DPP6: variants seen among roughly 807,000 people sequenced by gnomAD.
DPP6 encodes the protein A-type potassium channel modulatory protein DPP6.
In DPP6, 69 loss-of-function variants were observed where a neutral mutation model predicts 122.6. The ratio of observed to expected loss-of-function variants is 0.56; its 90% CI spans 0.46 to 0.69. The LOEUF (loss-of-function observed/expected upper bound fraction) is 0.69, where lower values mean the gene tolerates loss of function less well. Among genes scored for constraint, DPP6 ranks in the 30% least tolerant of loss-of-function variants. The pLI, the probability that DPP6 is intolerant of heterozygous loss-of-function variation, is 0.00. For synonymous variants in DPP6, 418 were observed against 433.1 expected (o/e 0.97, Z 0.43); for missense variants, 928 against 1,116.9 (o/e 0.83, Z 2.41).
At chr7:154,004,316 TA>T (rs1192363057) in intron 1 of DPP6, among the ~76,000 whole-genome samples, 2 of 152,218 alleles carry the variant, frequency 1.3e-5, no homozygotes, top group South Asian at 2.1e-4. Context: ...CATGGAGCCA[TA>T]GGGGTGAGGA....
rs1340926822 is a variant in DPP6 at position 154,540,612 on chromosome 7, G to A, written c.538G>A (p.Glu180Lys). 3 of 1,581,986 alleles carry A rather than the reference G, an allele frequency of 1.9e-6. No individual in the cohort carries two copies. The highest frequency in any genetic ancestry group is 1.9e-5 in the Admixed American group (1 of 53,236). ...AACAAATACTTCTACTGTCTTAATA[G>A]AAGGCAAAAAAATTGTAAGTACTCT... ...VETNTSTVLI[E>K]GKKIESLRAI... The change falls in exon 4 of 26, where the codon GAA (glutamate) becomes AAA (lysine). Residue 180 changes from glutamate (E) to lysine (K), a missense_variant. Coordinates refer to ENST00000377770, the MANE Select transcript of DPP6 (RefSeq NM_130797.4).
At chr7:154,569,608 T>C (rs541098981) in intron 5 of DPP6, among the ~76,000 whole-genome samples, 1 of 152,026 alleles carries the variant, frequency 6.6e-6, no homozygotes, top group South Asian at 2.1e-4. Flanking sequence ...AACTTTTCAT[T>C]AAAAAGACTA....
At chr7:153,755,589 C>T in the DPP6 span, among the ~76,000 whole-genome samples, 2 of 152,054 alleles carry the variant, frequency 1.3e-5, no homozygotes, top group Non-Finnish European at 1.5e-5. Flanking sequence ...TCTATTCTTT[C>T]CTGCCCCTTT....
intron 1 of DPP6, among the ~76,000 whole-genome samples, chr7:154,272,086 A>G (rs1803833717): frequency 6.6e-6 from 1 of 152,178 alleles, no homozygotes; most frequent in African/African-American, 2.4e-5. Flanking sequence ...TGGATAGACA[A>G]TTAGCTTCTT....
chr7:154,365,194 A>T (rs1432840439), intron 1 of DPP6, among the ~76,000 whole-genome samples: 1 of 152,226 alleles, frequency 6.6e-6, no homozygotes, highest in African/African-American at 2.4e-5. Flanking sequence ...GTTGAGCCAC[A>T]TGGAATTAAA....
At chr7:154,665,416 G>A (rs565699869) in intron 6 of DPP6, among the ~76,000 whole-genome samples, 2 of 152,204 alleles carry the variant, frequency 1.3e-5, no homozygotes, top group South Asian at 4.2e-4. Flanking sequence ...TGTTGTTGTT[G>A]ATCAAACTGT....
chr7:154,391,735 G>A (rs773695972), intron 1 of DPP6, among the ~76,000 whole-genome samples: 5 of 152,212 alleles, frequency 3.3e-5, no homozygotes, highest in Non-Finnish European at 5.9e-5. Flanking sequence ...TCCCAATGGT[G>A]AGGATAAAGT....
At chr7:154,465,113 T>C (rs541507790) in intron 2 of DPP6, among the ~76,000 whole-genome samples, 1 of 152,266 alleles carries the variant, frequency 6.6e-6, no homozygotes, top group Admixed American at 6.5e-5. Context: ...CATGGTCAAC[T>C]GATGGTAACT....
At chr7:154,654,505 G>A (rs1008869366) in intron 6 of DPP6, among the ~76,000 whole-genome samples, 1 of 151,030 alleles carries the variant, frequency 6.6e-6, no homozygotes, top group Non-Finnish European at 1.5e-5. Context: ...TGCAACCTCT[G>A]CCTCCCAGGT....
intron 3 of DPP6, among the ~76,000 whole-genome samples, chr7:154,498,686 A>G (rs1285548658): frequency 6.6e-6 from 1 of 152,068 alleles, no homozygotes; most frequent in Non-Finnish European, 1.5e-5. Flanking sequence ...AATATCAAGG[A>G]CCCAGGCTTC....
At chr7:153,907,829 TTCTATA>T (rs1306040521) in intron 1 of DPP6, among the ~76,000 whole-genome samples, 1 of 152,206 alleles carries the variant, frequency 6.6e-6, no homozygotes, top group African/African-American at 2.4e-5. Flanking sequence ...GTATAAATCT[TTCTATA>T]TACGTATGTG....
chr7:154,882,838 C>A (rs541658393), intron 21 of DPP6, among the ~76,000 whole-genome samples: 4 of 152,194 alleles, frequency 2.6e-5, no homozygotes, highest in African/African-American at 7.2e-5. Context: ...AATCTTCTTT[C>A]ATTGTCATTA....
chr7:153,885,117 G>GGT (rs11432922), upstream of DPP6, among the ~76,000 whole-genome samples: 92,875 of 149,516 alleles, frequency 0.62, 29,306 homozygotes, highest in African/African-American at 0.71. Flanking sequence ...TGCTTGGTGG[G>GGT]AAAGAGAGGG....
rs554859215 is a variant in DPP6 at position 154,795,898 on chromosome 7, T to C, written c.1299+15T>C. 5 of 1,607,384 alleles carry C rather than the reference T, an allele frequency of 3.1e-6. No homozygotes were observed. The African/African-American group carries it at 5.4e-5, about 17-fold the overall frequency. The stretch of plus-strand genomic sequence containing the variant: ...TCCACAGACAGGTAACTACTGCATG[T>C]CCGGGTCCCCACTGTCACCTCCACC... On this transcript the variant is annotated intron_variant, in intron 12 of 25. Transcript: ENST00000377770.
At chr7:154,614,057 C>G (rs1004905487) in intron 5 of DPP6, among the ~76,000 whole-genome samples, 3 of 152,236 alleles carry the variant, frequency 2.0e-5, no homozygotes, top group Non-Finnish European at 4.4e-5. Flanking sequence ...GCCTCTGTGC[C>G]TCCACTCTCC....
chr7:154,088,855 T>C (rs1171272187), intron 1 of DPP6, among the ~76,000 whole-genome samples: 1 of 152,234 alleles, frequency 6.6e-6, no homozygotes, highest in African/African-American at 2.4e-5. Flanking sequence ...TTAAATTTTA[T>C]GTAATTAAAA....
intron 1 of DPP6, among the ~76,000 whole-genome samples, chr7:154,000,524 G>A (rs1478942271): frequency 3.3e-5 from 5 of 152,298 alleles, no homozygotes; most frequent in East Asian, 3.9e-4. Flanking sequence ...TGCACCCTGC[G>A]TATGTATGTG....
chr7:154,680,261 A>C (rs935113305), intron 7 of DPP6, among the ~76,000 whole-genome samples: 7 of 152,248 alleles, frequency 4.6e-5, no homozygotes, highest in African/African-American at 1.7e-4. Flanking sequence ...TATTTATAAA[A>C]CAATATGAAA....
the DPP6 span, among the ~76,000 whole-genome samples, chr7:153,814,318 C>T: frequency 6.6e-6 from 1 of 152,170 alleles, no homozygotes; most frequent in Non-Finnish European, 1.5e-5. Flanking sequence ...TCAGAGAATA[C>T]TACAAACACC....
Sources: gnomAD v4.1 joint callset for allele counts (sites outside exome capture counted in the v4.1 genomes callset) on GRCh38, gnomAD v4.1.1 for gene constraint, MANE v1.5 for transcripts, NCBI Gene and HGNC (gene_info 2026-07-23, HGNC 2026-07-21) for gene names.